The following NFATC2 variants were observed in gnomAD, a reference collection of about 807,000 sequenced individuals.
NFATC2 encodes nuclear factor of activated T-cells, cytoplasmic 2.
Under a neutral mutation model 87.3 loss-of-function variants are expected in NFATC2, and 22 were observed. That is an observed-to-expected ratio of 0.25 (90% confidence interval 0.18 to 0.36). The LOEUF is 0.36. Among genes scored for constraint, NFATC2 ranks in the 10% least tolerant of loss-of-function variants. The pLI is 1.00. For missense variants in NFATC2, 1,149 were observed against 1,259.1 expected (o/e 0.91, Z 1.32); for synonymous variants, 565 against 542.2 (o/e 1.04, Z -0.58).
At chr20:51,439,736 G>T (rs1452375507) in intron 6 of NFATC2, among the ~76,000 whole-genome samples, 1 of 152,172 alleles carries the variant, frequency 6.6e-6, no homozygotes, top group South Asian at 2.1e-4. Context: ...CCAGTGCTCT[G>T]CCATTTTACT....
intron 3 of NFATC2, among the ~76,000 whole-genome samples, chr20:51,516,073 A>G (rs577643477): frequency 1.2e-4 from 18 of 152,286 alleles, no homozygotes; most frequent in South Asian, 2.1e-4. Flanking sequence ...AGATTATACA[A>G]TTAAGAATAT....
chr20:51,432,387 G>T lies in NFATC2; in HGVS notation c.2402C>A (p.Ser801Tyr). 5.6e-6 allele frequency: 9 copies of T among 1,609,946 alleles called. 1 individual carries two copies. The highest frequency in any genetic ancestry group is 6.8e-6 in the Non-Finnish European group (8 of 1,177,816). ...QGQSSALLHP[S>Y]PTNQQASPVI... ...AGGCGAGGCCTGCTGGTTGGTCGGAGAGGGGTGGAGCAGGGCTGAGCTCTG... is the reference window on the plus strand; with the variant it reads ...AGGCGAGGCCTGCTGGTTGGTCGGATAGGGGTGGAGCAGGGCTGAGCTCTG... Residue 801 changes from serine (S) to tyrosine (Y), a missense_variant, in exon 9 of 11, where the codon TCT becomes TAT. Ser to Tyr is a moderately radical substitution (Grantham distance 144). Coordinates refer to ENST00000371564, the MANE Select transcript of NFATC2 (RefSeq NM_012340.5). This position sits in a 1 kb window ranked among gnomAD's most constrained non-coding sequence, Gnocchi z 4.6.
chr20:51,398,955 CATT>C, intron 9 of NFATC2: 2 of 497,562 alleles, frequency 4.0e-6, no homozygotes, highest in Non-Finnish European at 3.6e-6. Flanking sequence ...AAGTGCATTA[CATT>C]ATGTGGGGTG....
At chr20:51,438,335 G>T (rs1372812653) in intron 6 of NFATC2, among the ~76,000 whole-genome samples, 1 of 151,210 alleles carries the variant, frequency 6.6e-6, no homozygotes, top group Non-Finnish European at 1.5e-5. Context: ...GCAACATGTT[G>T]ATGTTTGGTT....
chr20:51,485,672 C>G (rs557413508), intron 3 of NFATC2, among the ~76,000 whole-genome samples: 1 of 152,256 alleles, frequency 6.6e-6, no homozygotes, highest in East Asian at 1.9e-4. Flanking sequence ...GGCATTGGCA[C>G]TTAATGTGTC....
At chr20:51,536,898 A>AAC (rs10648135) in intron 1 of NFATC2, among the ~76,000 whole-genome samples, 9,540 of 149,678 alleles carry the variant, frequency 0.064, 492 homozygotes, top group African/African-American at 0.14. Context: ...GCAAGCACCA[A>AAC]ACACACACAC....
chr20:51,442,110 A>T (rs141782359), intron 6 of NFATC2, among the ~76,000 whole-genome samples: 1,714 of 152,292 alleles, frequency 0.011, 37 homozygotes, highest in African/African-American at 0.039. Context: ...TGTGTTTTCT[A>T]ACCTGAAAAC....
chr20:51,442,327 G>A (rs1984457050), intron 6 of NFATC2, among the ~76,000 whole-genome samples: 1 of 152,186 alleles, frequency 6.6e-6, no homozygotes, highest in Non-Finnish European at 1.5e-5. Flanking sequence ...AGCTACTCAG[G>A]AGGCTGAGGC....
intron 2 of NFATC2, among the ~76,000 whole-genome samples, chr20:51,521,630 A>C (rs1179587804): frequency 6.6e-6 from 1 of 152,128 alleles, no homozygotes; most frequent in Non-Finnish European, 1.5e-5. Flanking sequence ...CTATTTGGGG[A>C]CTCAATTTAA....
intron 1 of NFATC2, among the ~76,000 whole-genome samples, chr20:51,554,834 A>G (rs544563398): frequency 3.7e-4 from 57 of 152,322 alleles, no homozygotes; most frequent in African/African-American, 1.3e-3. Context: ...GAAACCCAGA[A>G]AAGTCTTCAT....
intron 6 of NFATC2, among the ~76,000 whole-genome samples, chr20:51,454,341 T>TAGA (rs991068931): frequency 4.6e-5 from 7 of 152,198 alleles, no homozygotes; most frequent in African/African-American, 1.7e-4. Flanking sequence ...CAAAATGACC[T>TAGA]AGAAGAGTTA....
chr20:51,460,205 GA>G (rs1432961327), intron 5 of NFATC2, among the ~76,000 whole-genome samples: 2 of 152,144 alleles, frequency 1.3e-5, no homozygotes, highest in East Asian at 3.9e-4. Context: ...CTACAGCAAG[GA>G]AGACACTATC....
intron 1 of NFATC2, among the ~76,000 whole-genome samples, chr20:51,551,667 A>T (rs895800574): frequency 3.3e-5 from 5 of 150,310 alleles, no homozygotes; most frequent in African/African-American, 4.9e-5. Context: ...TGGCCTTTTT[A>T]AAAAAAGCTT....
intron 9 of NFATC2, among the ~76,000 whole-genome samples, chr20:51,406,893 G>A (rs1022306753): frequency 3.9e-5 from 6 of 152,290 alleles, no homozygotes; most frequent in South Asian, 2.1e-4. Context: ...TGGCCGCCTC[G>A]TCGGAATTCC....
intron 8 of NFATC2, among the ~76,000 whole-genome samples, chr20:51,433,723 ATG>A (rs1198823397): frequency 1.1e-4 from 16 of 150,368 alleles, no homozygotes; most frequent in Admixed American, 6.6e-5. Context: ...GTGTGTGTGC[ATG>A]TGTGTGTGCG....
At chr20:51,517,008 C>G in intron 2 of NFATC2, 53 bp from the exon 3 acceptor site, 1 of 1,540,032 alleles carries the variant, frequency 6.5e-7, no homozygotes, top group East Asian at 2.3e-5. Flanking sequence ...AATTAGTCAA[C>G]TTGTACAATA....
At chr20:51,466,053 A>C (rs551613974) in intron 5 of NFATC2, among the ~76,000 whole-genome samples, 2 of 151,828 alleles carry the variant, frequency 1.3e-5, no homozygotes, top group Admixed American at 6.6e-5. Context: ...AGGCCTCCCT[A>C]ATTCTTTTGT....
At chr20:51,513,387 G>C (rs958423428) in intron 3 of NFATC2, among the ~76,000 whole-genome samples, 17 of 152,196 alleles carry the variant, frequency 1.1e-4, no homozygotes, top group African/African-American at 4.1e-4. Context: ...GCTGAGGTGG[G>C]AGGATCACTT....
At position 51,461,159 on chromosome 20, in the gene NFATC2, C is replaced by G. The variant is rs560101643; in HGVS notation, c.1709-6471G>C. Among the ~76,000 whole-genome samples, 4 of 152,286 alleles carry G rather than the reference C, an allele frequency of 2.6e-5. No homozygotes were observed. In the East Asian group the frequency reaches 7.7e-4, roughly 30 times the overall value. On this transcript the variant is annotated intron_variant, in intron 5 of 10. Coordinates refer to ENST00000371564, the MANE Select transcript of NFATC2 (RefSeq NM_012340.5). ...TCCTGAGCTCTACTTCTCTATTGCT[C>G]TCTGATGCAACCTCCATCACCTATG...
Sources: gnomAD v4.1 joint callset for allele counts (sites outside exome capture counted in the v4.1 genomes callset) on GRCh38, gnomAD v4.1.1 for gene constraint, Gnocchi (gnomAD v3.1) non-coding constraint, MANE v1.5 for transcripts, NCBI Gene and HGNC (gene_info 2026-07-23, HGNC 2026-07-21) for gene names.